The following ATP2B2 variants were observed in gnomAD, a reference collection of about 807,000 sequenced individuals.
ATP2B2 encodes plasma membrane calcium-transporting ATPase 2.
A neutral mutation model predicts 120.0 loss-of-function variants in ATP2B2; 15 were observed. The ratio of observed to expected loss-of-function variants is 0.12; its 90% confidence interval spans 0.08 to 0.19. The LOEUF is 0.19. Ranked by LOEUF, ATP2B2 falls within the 10% of genes least tolerant of loss-of-function variation. ATP2B2 has a pLI of 1.00. For synonymous variants in ATP2B2, 694 were observed against 700.3 expected (o/e 0.99, Z 0.14); for missense variants, 1,045 against 1,719.8 (o/e 0.61, Z 6.94).
intron 1 of ATP2B2, among the ~76,000 whole-genome samples, chr3:10,698,999 C>A (rs2071780217): frequency 6.6e-6 from 1 of 152,228 alleles, no homozygotes; most frequent in Non-Finnish European, 1.5e-5. Context: ...GCCTTGAAAA[C>A]CAGCTCCTAT....
chr3:10,341,205 G>T (rs1010762152), intron 19 of ATP2B2, among the ~76,000 whole-genome samples: 4 of 152,176 alleles, frequency 2.6e-5, no homozygotes, highest in African/African-American at 9.7e-5. Context: ...GCTGGCTCTG[G>T]ACCCTCCCAT....
intron 1 of ATP2B2, among the ~76,000 whole-genome samples, chr3:10,658,589 C>G (rs956839160): frequency 2.6e-5 from 4 of 152,058 alleles, no homozygotes; most frequent in African/African-American, 9.7e-5. Context: ...AAATATGGGA[C>G]TATGTGAAAA....
intron 1 of ATP2B2, among the ~76,000 whole-genome samples, chr3:10,652,281 A>G (rs1279190811): frequency 6.6e-6 from 1 of 152,172 alleles, no homozygotes; most frequent in Non-Finnish European, 1.5e-5. Flanking sequence ...TCAAGCAGAA[A>G]GGTTTTCACC....
chr3:10,590,058 A>G (rs1033896403), intron 2 of ATP2B2, among the ~76,000 whole-genome samples: 29 of 152,236 alleles, frequency 1.9e-4, no homozygotes, highest in African/African-American at 7.0e-4. Flanking sequence ...TGGATAAACT[A>G]CCTCTGGTGC....
intron 2 of ATP2B2, among the ~76,000 whole-genome samples, chr3:10,615,304 C>T (rs2069355400): frequency 6.6e-6 from 1 of 152,064 alleles, no homozygotes; most frequent in Admixed American, 6.6e-5. Flanking sequence ...GGAGGCTGAC[C>T]CAGTGGTCTA....
chr3:10,402,108 A>G lies in ATP2B2; in HGVS notation c.638T>C (p.Ile213Thr). 6.2e-7 allele frequency: 1 copy of G among 1,614,010 alleles called. No individual in the cohort carries two copies. The highest frequency in any genetic ancestry group is 1.1e-5 in the South Asian group (1 of 91,082). Residue 213 changes from isoleucine (I) to threonine (T), a missense_variant, in exon 4 of 23, where the codon ATA becomes ACA. This residue lies in a region of ATP2B2 where 35 missense variants were observed against 29.9 expected (regional missense o/e 1.17). Coordinates refer to ENST00000360273, the MANE Select transcript of ATP2B2 (RefSeq NM_001001331.4). This position sits in a 1 kb window ranked among gnomAD's most constrained non-coding sequence, Gnocchi z 4.9. ...IPVAEIVVGDIAQVKYGDLLP... is the reference protein window; with the variant it reads ...IPVAEIVVGDTAQVKYGDLLP... ...ACACTTACCATATTTGACCTGGGCT[A>G]TGTCCCCAACCACGATCTCAGCCAC...
chr3:10,386,183 G>A (rs1019758738), intron 7 of ATP2B2, among the ~76,000 whole-genome samples: 1 of 152,176 alleles, frequency 6.6e-6, no homozygotes, highest in African/African-American at 2.4e-5. Flanking sequence ...CTATGATGGT[G>A]AGCAAGCTTT....
At chr3:10,453,617 T>C (rs2064143950) in intron 1 of ATP2B2, among the ~76,000 whole-genome samples, 1 of 152,196 alleles carries the variant, frequency 6.6e-6, no homozygotes, top group African/African-American at 2.4e-5. Flanking sequence ...TGCTTTGCAA[T>C]CCACAAGGGA....
intron 1 of ATP2B2, among the ~76,000 whole-genome samples, chr3:10,450,167 C>A (rs1259275711): frequency 6.6e-6 from 1 of 152,126 alleles, no homozygotes; most frequent in African/African-American, 2.4e-5. Flanking sequence ...CCGACATATA[C>A]CTTCTGGCAT....
intron 1 of ATP2B2, among the ~76,000 whole-genome samples, chr3:10,480,751 C>T (rs2065379602): frequency 6.6e-6 from 1 of 152,220 alleles, no homozygotes; most frequent in Non-Finnish European, 1.5e-5. Context: ...GCATTAGCCT[C>T]CTCGCCAAGC....
intron 2 of ATP2B2, among the ~76,000 whole-genome samples, chr3:10,437,269 ATAG>A (rs2063507643): frequency 1.3e-5 from 2 of 152,072 alleles, no homozygotes; most frequent in Non-Finnish European, 2.9e-5. Context: ...GATAATAGTA[ATAG>A]TAATAATAAT....
chr3:10,633,905 ATTCC>A (rs2069945056), intron 1 of ATP2B2, among the ~76,000 whole-genome samples: 1 of 152,176 alleles, frequency 6.6e-6, no homozygotes, highest in African/African-American at 2.4e-5. Flanking sequence ...ACTTTCCTAG[ATTCC>A]TTCCCAGCTA....
rs2064181175 is a variant in ATP2B2 at position 10,454,391 on chromosome 3, AGTAAAAGGTGC to A, written c.-319-4540_-319-4530del. On this transcript the variant is annotated intron_variant, in intron 1 of 22. Transcript: ENST00000360273. The stretch of plus-strand genomic sequence containing the variant: ...AAACTGAAATACACAACTGTCTGCT[AGTAAAAGGTGC>A]AGAAGGAAAACAGTGTGAGCCAGTA... 2.0e-5 allele frequency among the ~76,000 whole-genome samples: 3 copies of A among 152,342 alleles called. No individual in the cohort carries two copies. The South Asian group carries it at 6.2e-4, about 32-fold the overall frequency.
At chr3:10,385,176 C>G (rs1349252604) in intron 8 of ATP2B2, 92 bp downstream of exon 8, 1 of 1,267,500 alleles carries the variant, frequency 7.9e-7, no homozygotes, top group East Asian at 2.3e-5. Flanking sequence ...GAGATCTGTG[C>G]AGTCCAGAAC....
chr3:10,420,922 C>A (rs1209117205), intron 2 of ATP2B2, among the ~76,000 whole-genome samples: 9 of 152,232 alleles, frequency 5.9e-5, no homozygotes, highest in Admixed American at 3.3e-4. Context: ...GGGGCATGGC[C>A]CGGACCTTGG....
intron 22 of ATP2B2, among the ~76,000 whole-genome samples, chr3:10,334,807 T>C (rs999747969): frequency 0.015 from 7 of 464 alleles, no homozygotes; most frequent in African/African-American, 0.05. Context: ...GTTACCTGCT[T>C]GGCTGCAGGG....
intron 1 of ATP2B2, among the ~76,000 whole-genome samples, chr3:10,666,892 C>T (rs966255761): frequency 3.3e-5 from 5 of 152,192 alleles, no homozygotes; most frequent in South Asian, 2.1e-4. Flanking sequence ...TCTGCCCCCA[C>T]GACTCTCTGA....
intron 11 of ATP2B2, among the ~76,000 whole-genome samples, chr3:10,373,873 C>T (rs779290565): frequency 1.4e-4 from 22 of 152,142 alleles, no homozygotes; most frequent in Admixed American, 7.2e-4. Flanking sequence ...CCACGTCTGG[C>T]TGCTACTAGG....
chr3:10,575,997 T>A (rs536112414), intron 2 of ATP2B2, among the ~76,000 whole-genome samples: 1 of 152,364 alleles, frequency 6.6e-6, no homozygotes, highest in East Asian at 1.9e-4. Flanking sequence ...GCACTTGGCA[T>A]GGATGGCCTC....
Sources: allele counts gnomAD v4.1 joint callset (sites outside exome capture counted in the v4.1 genomes callset), GRCh38; gene constraint gnomAD v4.1.1; regional missense constraint gnomAD v4.1.1; non-coding constraint Gnocchi (gnomAD v3.1); transcripts MANE v1.5; gene names NCBI Gene and HGNC (gene_info 2026-07-23, HGNC 2026-07-21).